Variants in SAMSN1 observed in about 807,000 individuals in gnomAD.
SAMSN1 encodes SAM domain, SH3 domain and nuclear localization signals 1.
Under a neutral mutation model 42.0 loss-of-function variants are expected in SAMSN1, and 31 were observed. That is an observed-to-expected ratio of 0.74 (90% CI 0.55 to 1.00). The LOEUF (loss-of-function observed/expected upper bound fraction) is 1.00. SAMSN1 is among the 50% of genes least tolerant of loss of function. The pLI is 0.00. For missense variants in SAMSN1, 464 were observed against 439.4 expected (o/e 1.06, Z -0.50); for synonymous variants, 178 against 151.9 (o/e 1.17, Z -1.26).
At chr21:14,651,085 A>C (rs1000583528) in intron 1 of SAMSN1, among the ~76,000 whole-genome samples, 1 of 152,094 alleles carries the variant, frequency 6.6e-6, no homozygotes. Flanking sequence ...TTCACTTCTG[A>C]ATTCTACCAA....
chr21:14,515,411 T>C (rs1414642462), intron 3 of SAMSN1, among the ~76,000 whole-genome samples: 1 of 152,136 alleles, frequency 6.6e-6, no homozygotes, highest in African/African-American at 2.4e-5. Context: ...GAATAGTCTT[T>C]TCAACAAATA....
chr21:14,500,487 T>G, intron 6 of SAMSN1, 42 bp downstream of exon 6: 1 of 1,552,482 alleles, frequency 6.4e-7, no homozygotes, highest in Non-Finnish European at 8.9e-7. Context: ...GGTGTTTCCA[T>G]TTACATGCTT....
chr21:14,657,793 C>T (rs1473299797), intron 1 of SAMSN1, among the ~76,000 whole-genome samples: 2 of 151,776 alleles, frequency 1.3e-5, no homozygotes. Context: ...ATGATTCAGC[C>T]TCCCACAACT....
chr21:14,510,379 G>C lies in SAMSN1; in HGVS notation c.492C>G (p.Phe164Leu), dbSNP rs1480064173. Residue 164 changes from phenylalanine (F) to leucine (L), a missense_variant, in exon 5 of 8, where the codon TTC (phenylalanine) becomes TTG (leucine). Phe to Leu is a conservative substitution (Grantham distance 22). Coordinates refer to ENST00000400566, the MANE Select transcript of SAMSN1 (RefSeq NM_022136.5). ...LDDDGPYSGP[F>L]CGRARVHTDF... ...CCGTATGCACTCTGGCACGGCCACA[G>C]AATGGTCCTGAATAGGGGCCATCGT... is the stretch of plus-strand genomic sequence containing the variant. The C allele has an allele frequency of 6.2e-7, 1 of 1,614,162 alleles. No individual in the cohort carries two copies. The highest frequency in any genetic ancestry group is 2.2e-5 in the East Asian group (1 of 44,880).
intron 2 of SAMSN1, among the ~76,000 whole-genome samples, chr21:14,635,785 A>G (rs947874257): frequency 1.3e-3 from 12 of 9,528 alleles, no homozygotes; most frequent in Non-Finnish European, 3.5e-3. Context: ...GAGGGTTACA[A>G]CAACATTTGA....
chr21:14,599,886 T>A (rs1010716283), intron 6 of SAMSN1, among the ~76,000 whole-genome samples: 2 of 152,200 alleles, frequency 1.3e-5, no homozygotes, highest in Non-Finnish European at 2.9e-5. Context: ...GTTTCTTTAT[T>A]TTGTGTTGTA....
At chr21:14,602,249 AT>A in intron 5 of SAMSN1, 1 of 340,804 alleles carries the variant, frequency 2.9e-6, no homozygotes, top group Non-Finnish European at 5.4e-6. Context: ...AATATATGCT[AT>A]TTTTCTTTTT....
At chr21:14,557,748 A>G (rs1980810612) in intron 2 of SAMSN1, among the ~76,000 whole-genome samples, 1 of 152,176 alleles carries the variant, frequency 6.6e-6, no homozygotes, top group Non-Finnish European at 1.5e-5. Flanking sequence ...GTCTTTGCCT[A>G]TCTATGCCAT....
At chr21:14,615,942 G>A (rs1982825384) in intron 3 of SAMSN1, 2 of 544,106 alleles carry the variant, frequency 3.7e-6, no homozygotes, top group African/African-American at 3.9e-5. Context: ...CAGAACTAAG[G>A]GAACATGAAG....
intron 7 of SAMSN1, among the ~76,000 whole-genome samples, chr21:14,588,652 G>A (rs1193358838): frequency 6.6e-6 from 1 of 152,138 alleles, no homozygotes; most frequent in Admixed American, 6.6e-5. Flanking sequence ...TCAACTCAGT[G>A]AAGGCCATCT....
chr21:14,508,342 A>G (rs1389278478), intron 5 of SAMSN1, among the ~76,000 whole-genome samples: 1 of 151,354 alleles, frequency 6.6e-6, no homozygotes, highest in Non-Finnish European at 1.5e-5. Flanking sequence ...ATCTACAATG[A>G]ACTCAAATCA....
chr21:14,599,035 C>A (rs1393786396), intron 6 of SAMSN1, among the ~76,000 whole-genome samples: 1 of 152,114 alleles, frequency 6.6e-6, no homozygotes, highest in Non-Finnish European at 1.5e-5. Flanking sequence ...ATACCTAAGC[C>A]AAGTTTGGGT....
At chr21:14,523,300 T>C (rs1978616051) in intron 1 of SAMSN1, 1 of 152,172 alleles carries the variant, frequency 6.6e-6, no homozygotes, top group African/African-American at 2.4e-5. Flanking sequence ...TGATAGACAG[T>C]GTGATACAGA....
chr21:14,619,527 A>G (rs1982945361), intron 2 of SAMSN1: 1 of 179,370 alleles, frequency 5.6e-6, no homozygotes, highest in African/African-American at 2.4e-5. Flanking sequence ...TTTCTAATGT[A>G]TTTTTTTTGG....
At chr21:14,521,545 A>G (rs1978481826) in intron 1 of SAMSN1, among the ~76,000 whole-genome samples, 1 of 152,224 alleles carries the variant, frequency 6.6e-6, no homozygotes, top group Admixed American at 6.5e-5. Flanking sequence ...ATTCCAAACT[A>G]AAGCTTCTTG....
intron 1 of SAMSN1, among the ~76,000 whole-genome samples, chr21:14,541,513 TGG>T (rs1214837661): frequency 1.8e-5 from 2 of 108,194 alleles, no homozygotes; most frequent in East Asian, 9.4e-4. Flanking sequence ...TGATTTTTTG[TGG>T]TTTTTTTTGT....
intron 2 of SAMSN1, among the ~76,000 whole-genome samples, chr21:14,623,551 G>A (rs1263002009): frequency 6.6e-6 from 1 of 152,100 alleles, no homozygotes; most frequent in Non-Finnish European, 1.5e-5. Context: ...AATAGTAAAG[G>A]GATCAATTCA....
At chr21:14,561,801 G>T (rs1362503230) in intron 2 of SAMSN1, among the ~76,000 whole-genome samples, 1 of 152,190 alleles carries the variant, frequency 6.6e-6, no homozygotes, top group Non-Finnish European at 1.5e-5. Flanking sequence ...TGCACAAAGG[G>T]ATGACCATAT....
intron 7 of SAMSN1, among the ~76,000 whole-genome samples, chr21:14,491,207 G>T (rs1271086638): frequency 6.6e-6 from 1 of 151,852 alleles, no homozygotes; most frequent in Non-Finnish European, 1.5e-5. Context: ...CTGGCGTATT[G>T]ACTATTTTGA....
Sources: allele counts gnomAD v4.1 joint callset (sites outside exome capture counted in the v4.1 genomes callset), GRCh38; gene constraint gnomAD v4.1.1; transcripts MANE v1.5; gene names NCBI Gene and HGNC (gene_info 2026-07-23, HGNC 2026-07-21).